The following SAMTOR variants were observed in gnomAD, a reference collection of about 807,000 sequenced individuals.
SAMTOR encodes UPF0532 protein C7orf60.
chr7:112,880,694 T>A, the SAMTOR span, among the ~76,000 whole-genome samples: 1 of 152,228 alleles, frequency 6.6e-6, no homozygotes, highest in Non-Finnish European at 1.5e-5. Context: ...AATTAAGATT[T>A]CAGCAAAATA....
the SAMTOR span, among the ~76,000 whole-genome samples, chr7:112,863,648 T>C: frequency 1.3e-5 from 2 of 152,282 alleles, no homozygotes; most frequent in African/African-American, 4.8e-5. Flanking sequence ...AAAGATGACA[T>C]ACACACAGCC....
chr7:112,822,491 TTTC>T, the SAMTOR span: 4 of 897,392 alleles, frequency 4.5e-6, no homozygotes, highest in Non-Finnish European at 6.6e-6. Context: ...ATTATACATT[TTTC>T]CTTTTAAATT....
At chr7:112,880,841 T>C in the SAMTOR span, among the ~76,000 whole-genome samples, 6 of 152,210 alleles carry the variant, frequency 3.9e-5, no homozygotes, top group African/African-American at 7.2e-5. Flanking sequence ...ATATTATTGA[T>C]GGCAGCGGTA....
At chr7:112,842,371 T>C in the SAMTOR span, among the ~76,000 whole-genome samples, 1 of 152,126 alleles carries the variant, frequency 6.6e-6, no homozygotes, top group African/African-American at 2.4e-5. Context: ...GGAGATTCAA[T>C]TCTATAAGAG....
At chr7:112,900,308 G>A in the SAMTOR span, among the ~76,000 whole-genome samples, 1 of 152,132 alleles carries the variant, frequency 6.6e-6, no homozygotes, top group African/African-American at 2.4e-5. Context: ...AAAGGCTTGA[G>A]AACCATTTTA....
chr7:112,939,511 T>C, the SAMTOR span: 1 of 1,602,454 alleles, frequency 6.2e-7, no homozygotes. Flanking sequence ...AATGGTGGCC[T>C]CTTTGGAGGA....
At chr7:112,870,862 A>T in the SAMTOR span, among the ~76,000 whole-genome samples, 2 of 150,926 alleles carry the variant, frequency 1.3e-5, no homozygotes, top group Admixed American at 6.6e-5. Flanking sequence ...AATGGAATAT[A>T]AAAAAAAACA....
the SAMTOR span, chr7:112,821,896 A>G: frequency 9.9e-6 from 16 of 1,613,300 alleles, no homozygotes; most frequent in Admixed American, 1.7e-5. Flanking sequence ...ACATAGCAGG[A>G]AGGGTTAGAA....
chr7:112,829,196 A>G, the SAMTOR span, among the ~76,000 whole-genome samples: 2 of 151,778 alleles, frequency 1.3e-5, no homozygotes, highest in Non-Finnish European at 2.9e-5. Context: ...GATAGCTGCT[A>G]TTGTTGTATC....
At chr7:112,829,964 A>C in the SAMTOR span, among the ~76,000 whole-genome samples, 1 of 152,010 alleles carries the variant, frequency 6.6e-6, no homozygotes, top group East Asian at 1.9e-4. Context: ...GCTGATTTGT[A>C]CTCAGCTGAG....
At chr7:112,939,271 T>C in the SAMTOR span, 1 of 355,826 alleles carries the variant, frequency 2.8e-6, no homozygotes, top group African/African-American at 2.1e-5. Context: ...CCACCTCCTC[T>C]GTGAGCGTGT....
the SAMTOR span, chr7:112,819,419 C>A: frequency 2.0e-5 from 3 of 152,044 alleles, no homozygotes; most frequent in African/African-American, 7.2e-5. Context: ...TTAGGAGTAC[C>A]CATACAGTAT....
the SAMTOR span, among the ~76,000 whole-genome samples, chr7:112,838,933 A>G: frequency 1.3e-5 from 2 of 151,642 alleles, no homozygotes; most frequent in East Asian, 3.9e-4. Context: ...GTGATGGATT[A>G]GAATTAGAGG....
At chr7:112,912,071 C>CAGTA in the SAMTOR span, among the ~76,000 whole-genome samples, 39,616 of 151,188 alleles carry the variant, frequency 0.26, 5,994 homozygotes, top group Middle Eastern at 0.43. Flanking sequence ...ATTTTGAAGA[C>CAGTA]AGAAAAATCT....
chr7:112,883,380 T>C, the SAMTOR span, among the ~76,000 whole-genome samples: 18 of 152,226 alleles, frequency 1.2e-4, no homozygotes, highest in Admixed American at 3.3e-4. Flanking sequence ...TAACTACATA[T>C]ATCAAGTATA....
chr7:112,823,898 A>C, the SAMTOR span, among the ~76,000 whole-genome samples: 1 of 152,098 alleles, frequency 6.6e-6, no homozygotes, highest in Non-Finnish European at 1.5e-5. Flanking sequence ...TTTAATCTGC[A>C]TTTTCCTAAT....
chr7:112,902,430 AAAAAAAAACAAAAAAAAAC>A, the SAMTOR span, among the ~76,000 whole-genome samples: 77 of 48,434 alleles, frequency 1.6e-3, 13 homozygotes, highest in East Asian at 0.02. Flanking sequence ...AAAAAAAAAC[AAAAAAAAACAAAAAAAAAC>A]AAAAAAAAAA....
At chr7:112,847,515 A>T in the SAMTOR span, among the ~76,000 whole-genome samples, 1 of 152,234 alleles carries the variant, frequency 6.6e-6, no homozygotes, top group Non-Finnish European at 1.5e-5. Flanking sequence ...ATGGTGGCTC[A>T]TGCCTGTAAT....
chr7:112,919,804 G>C, the SAMTOR span, among the ~76,000 whole-genome samples: 5 of 152,256 alleles, frequency 3.3e-5, no homozygotes, highest in Middle Eastern at 3.4e-3. Flanking sequence ...ACTACCATGA[G>C]AGAATACTAC....
Sources: gnomAD v4.1 joint callset for allele counts (sites outside exome capture counted in the v4.1 genomes callset) on GRCh38, gnomAD v4.1.1 for gene constraint, MANE v1.5 for transcripts, NCBI Gene and HGNC (gene_info 2026-07-23, HGNC 2026-07-21) for gene names.